Variants in PPDPFL observed in about 807,000 individuals in gnomAD.
PPDPFL encodes pancreatic progenitor cell differentiation and proliferation factor like.
A neutral mutation model predicts 12.6 loss-of-function variants in PPDPFL; 12 were observed. The ratio of observed to expected loss-of-function variants is 0.95; its 90% CI spans 0.61 to 1.54. The LOEUF (loss-of-function observed/expected upper bound fraction) is 1.54. Among genes scored for constraint, PPDPFL ranks in the 40% most tolerant of loss-of-function variants. The probability of loss-of-function intolerance (pLI) is 0.00; values close to 1 mark genes in which losing one functional copy is unlikely to be tolerated. For synonymous variants in PPDPFL, 24 were observed against 32.7 expected, an observed-to-expected ratio of 0.73 and a Z score of 0.91; for missense variants, 114 against 96.0, an observed-to-expected ratio of 1.19 and a Z score of -0.78.
intron 1 of PPDPFL, among the ~76,000 whole-genome samples, chr8:49,055,868 G>A (rs562334892): frequency 6.6e-6 from 1 of 152,136 alleles, no homozygotes; most frequent in South Asian, 2.1e-4. Context: ...TCCTCCCAAT[G>A]CTAAAAATGG....
intron 2 of PPDPFL, among the ~76,000 whole-genome samples, chr8:49,073,586 TA>T (rs1808431998): frequency 6.6e-6 from 1 of 152,230 alleles, no homozygotes. Flanking sequence ...GTTACTTTTA[TA>T]TTCTGATCTT....
chr8:49,066,895 A>G (rs1401186928), intron 1 of PPDPFL, among the ~76,000 whole-genome samples: 1 of 152,066 alleles, frequency 6.6e-6, no homozygotes, highest in Non-Finnish European at 1.5e-5. Flanking sequence ...GGCTCTGGCA[A>G]TTCATGTACC....
At chr8:49,069,552 G>A (rs1013667195), upstream of PPDPFL, among the ~76,000 whole-genome samples, 5 of 152,214 alleles carry the variant, frequency 3.3e-5, no homozygotes, top group Admixed American at 2.6e-4. Context: ...GTGGAAATTA[G>A]TTCAACCATT....
chr8:49,072,740 C>A, intron 1 of PPDPFL, 47 bp from the exon 2 acceptor site: 2 of 859,678 alleles, frequency 2.3e-6, no homozygotes, highest in Non-Finnish European at 1.8e-6. Flanking sequence ...GAAAAGGAAA[C>A]TCCCTGTTAT....
intron 1 of PPDPFL, among the ~76,000 whole-genome samples, chr8:49,062,180 C>T (rs372169674): frequency 6.6e-6 from 1 of 152,136 alleles, no homozygotes; most frequent in Non-Finnish European, 1.5e-5. Flanking sequence ...GCAAACAGAA[C>T]GGGTTCCTGA....
chr8:49,070,981 T>C (rs1363970284), upstream of PPDPFL, among the ~76,000 whole-genome samples: 2 of 152,154 alleles, frequency 1.3e-5, no homozygotes, highest in African/African-American at 4.8e-5. Context: ...TCTCTAGAAG[T>C]ATTCATCCCA....
At chr8:49,074,405 T>C (rs1808452799) in intron 4 of PPDPFL, 72 bp downstream of exon 4, 2 of 1,582,490 alleles carry the variant, frequency 1.3e-6, no homozygotes, top group Non-Finnish European at 1.7e-6. Flanking sequence ...GTATGTGTTA[T>C]GCTACTCACT....
At chr8:49,055,976 T>C (rs527307271) in intron 1 of PPDPFL, among the ~76,000 whole-genome samples, 13 of 152,308 alleles carry the variant, frequency 8.5e-5, no homozygotes, top group African/African-American at 2.6e-4. Flanking sequence ...TGCAATAACT[T>C]CCTAATTCTA....
At chr8:49,060,706 G>GA (rs954534012) in intron 1 of PPDPFL, among the ~76,000 whole-genome samples, 2 of 152,092 alleles carry the variant, frequency 1.3e-5, no homozygotes, top group Non-Finnish European at 2.9e-5. Flanking sequence ...TTTTATACCA[G>GA]AAAATATGGA....
At position 49,072,853 on chromosome 8, in the gene PPDPFL, G is replaced by A. The variant is rs751417277; in HGVS notation, c.23G>A (p.Gly8Asp). ...GCCATGGCATCCGTACCTTCCATTG[G>A]TTGCCTTCTAGCCAGAAATCAGTAT... MASVPSI[G>D]CLLARNQYYR... The change falls in exon 2 of 5, where the codon GGT becomes GAT. Residue 8 changes from glycine to aspartate, a missense_variant. Transcript: ENST00000522267. The A allele has an allele frequency of 3.1e-6, 5 of 1,606,108 alleles. No homozygotes were observed. The highest frequency in any genetic ancestry group is 1.1e-5 in the South Asian group (1 of 89,366).
Position 49,075,432 on chromosome 8 carries a change from CA to C in PPDPFL, c.*262del, listed in dbSNP as rs1808479933. ...AAAAGTTTAGGCATTTTTCTCAACA[CA>C]AAGACTATCGCTGGAAGTGGCACTT... On this transcript the variant is annotated 3_prime_UTR_variant, in exon 5 of 5. Transcript: ENST00000522267. The C allele has an allele frequency of 1.5e-6, 1 of 682,852 alleles. No individual in the cohort carries two copies. The highest frequency in any genetic ancestry group is 1.8e-5 in the African/African-American group (1 of 56,168). 42.3% of individuals were successfully genotyped at this position (682,852 alleles called of 1,614,324 possible). A position where few individuals can be genotyped will look rare whatever the true frequency, so the allele number is the denominator to read the frequency against.
chr8:49,071,853 T>C (rs1197734107), upstream of PPDPFL, among the ~76,000 whole-genome samples: 2 of 151,442 alleles, frequency 1.3e-5, no homozygotes, highest in Non-Finnish European at 3.0e-5. Context: ...CAAGTTCCAC[T>C]GACTCTGTCC....
intron 1 of PPDPFL, among the ~76,000 whole-genome samples, chr8:49,067,084 A>G (rs573544135): frequency 6.6e-6 from 1 of 152,368 alleles, no homozygotes; most frequent in South Asian, 2.1e-4. Flanking sequence ...TGGATAGACT[A>G]CAGACAATTC....
Position 49,063,120 on chromosome 8 carries a change from C to G in PPDPFL, c.-45+8751C>G, listed in dbSNP as rs919832456. ...GGGTCAGAAATGTCATCATGACATG[C>G]TTGTTAGGGCGGTATGTATAGGAGC... On this transcript the variant is annotated intron_variant, in intron 1 of 4. Coordinates refer to the PPDPFL transcript ENST00000517663. Among the ~76,000 whole-genome samples, 16 of 152,280 alleles carry G rather than the reference C, an allele frequency of 1.1e-4. No homozygotes were observed. The South Asian group carries it at 3.3e-3, about 32-fold the overall frequency.
At chr8:49,062,936 G>A (rs191678781) in intron 1 of PPDPFL, among the ~76,000 whole-genome samples, 1 of 152,240 alleles carries the variant, frequency 6.6e-6, no homozygotes, top group East Asian at 1.9e-4. Context: ...GGGTTCCCAC[G>A]AGTAGGGATC....
chr8:49,067,518 T>A (rs1392397058), upstream of PPDPFL, among the ~76,000 whole-genome samples: 1 of 152,246 alleles, frequency 6.6e-6, no homozygotes, highest in African/African-American at 2.4e-5. Context: ...ACTGCACACA[T>A]GGCCAGTGGT....
At chr8:49,066,570 GGTCA>G (rs1808304456) in intron 1 of PPDPFL, among the ~76,000 whole-genome samples, 1 of 152,112 alleles carries the variant, frequency 6.6e-6, no homozygotes. Context: ...ATGAGCCAGG[GGTCA>G]GTAAGAGAGG....
chr8:49,071,923 G>T (rs760560198), upstream of PPDPFL, among the ~76,000 whole-genome samples: 9 of 152,184 alleles, frequency 5.9e-5, no homozygotes, highest in Non-Finnish European at 1.0e-4. Flanking sequence ...TTGACCGTGG[G>T]ACTCTGCCTT....
At chr8:49,066,844 T>C (rs988131703) in intron 1 of PPDPFL, among the ~76,000 whole-genome samples, 2 of 152,250 alleles carry the variant, frequency 1.3e-5, no homozygotes, top group Admixed American at 1.3e-4. Context: ...TTAGCTCCAG[T>C]GCCATGGGAA....
Sources: gnomAD v4.1 joint callset for allele counts (sites outside exome capture counted in the v4.1 genomes callset) on GRCh38, gnomAD v4.1.1 for gene constraint, MANE v1.5 for transcripts, NCBI Gene and HGNC (gene_info 2026-07-23, HGNC 2026-07-21) for gene names.